Variants in LCK observed in about 807,000 individuals in gnomAD.
LCK encodes LCK proto-oncogene, Src family tyrosine kinase.
A neutral mutation model predicts 64.6 loss-of-function variants in LCK; 14 were observed. The observed-to-expected ratio is 0.22, with a 90% CI of 0.14 to 0.34. LCK has a LOEUF of 0.34. LCK is among the 10% of genes least tolerant of loss of function. LCK has a pLI of 1.00. For synonymous variants in LCK, 277 were observed against 263.6 expected (o/e 1.05, Z -0.49); for missense variants, 434 against 668.1 (o/e 0.65, Z 3.86).
intron 1 of LCK, among the ~76,000 whole-genome samples, chr1:32,260,253 C>T (rs533262164): frequency 1.4e-4 from 21 of 152,230 alleles, no homozygotes; most frequent in Non-Finnish European, 2.5e-4. Context: ...CCTCATGATC[C>T]ACCCACCTCA....
At chr1:32,266,247 C>T (rs1228710499) in intron 1 of LCK, among the ~76,000 whole-genome samples, 1 of 151,678 alleles carries the variant, frequency 6.6e-6, no homozygotes, top group Non-Finnish European at 1.5e-5. Context: ...GATCCCAGAA[C>T]TTTGGGAGGC....
In LCK at chr1:32,275,776, G is replaced by T. The variant is rs1640246859; in HGVS notation, c.481+104G>T. On this transcript the variant is annotated intron_variant, in intron 6 of 12. Transcript: ENST00000336890. This position sits in a 1 kb window ranked among gnomAD's most constrained non-coding sequence, Gnocchi z 6.9. ...TGGAGACACGGGGTGAGTCGGAGGG[G>T]GACGCGGGATGAGCCCGAGGTGGGG... The T allele has an allele frequency of 2.8e-6, 4 of 1,404,186 alleles. No individual in the cohort carries two copies. The highest frequency in any genetic ancestry group is 1.4e-5 in the African/African-American group (1 of 70,456). 87.0% of individuals were successfully genotyped at this position (1,404,186 alleles called of 1,614,324 possible).
intron 1 of LCK, among the ~76,000 whole-genome samples, chr1:32,256,844 A>G (rs188173053): frequency 3.3e-5 from 5 of 152,278 alleles, no homozygotes; most frequent in Admixed American, 3.3e-4. Context: ...ACCATTTACG[A>G]ATGTTAATTT....
intron 1 of LCK, among the ~76,000 whole-genome samples, chr1:32,263,248 C>T (rs1557574494): frequency 1.3e-5 from 2 of 151,478 alleles, no homozygotes; most frequent in South Asian, 2.1e-4. Flanking sequence ...TAAAAATTAG[C>T]GGGCATGGTG....
At chr1:32,267,919 G>A (rs1639967104) in intron 1 of LCK, among the ~76,000 whole-genome samples, 1 of 151,266 alleles carries the variant, frequency 6.6e-6, no homozygotes, top group Admixed American at 6.6e-5. Context: ...ATAAGGCCGG[G>A]CACAGTGGCT....
In LCK at chr1:32,275,457, A is replaced by T. The variant is rs1417921975; in HGVS notation, c.377+38A>T. The T allele has an allele frequency of 1.2e-6, 2 of 1,603,656 alleles. No homozygotes were observed. Among genetic ancestry groups the T allele is most frequent in the Non-Finnish European group, 1.7e-6 (2 of 1,171,910 alleles). On this transcript the variant is annotated intron_variant, in intron 5 of 12. Transcript: ENST00000336890. The surrounding 1 kb of genome is among the most constrained non-coding windows in gnomAD (Gnocchi z 6.9). ...CCGTCGTGGGGGTGGGTAGGAGCAG[A>T]TCTAGGGATCCTGGAGCAGGGAGTA...
At position 32,275,080 on chromosome 1, in the gene LCK, A is replaced by G. The variant is rs555714485; in HGVS notation, c.275A>G (p.Glu92Gly). The change falls in exon 4 of 13, where the codon GAG (glutamate) becomes GGG (glycine). Residue 92 changes from glutamate (E) to glycine (G), a missense_variant. Around this residue, in one of 2 missense-constraint regions of LCK, gnomAD observed 233 missense variants for 291.2 expected, o/e 0.80. Transcript: ENST00000336890. This position sits in a 1 kb window ranked among gnomAD's most constrained non-coding sequence, Gnocchi z 6.9. ...AAGGGGGAACAGCTCCGCATCCTGG[A>G]GCAGTGAGTCCCTCTCCACCTTGCT... ...FEKGEQLRIL[E>G]QSGEWWKAQS... 1.2e-6 allele frequency: 2 copies of G among 1,610,048 alleles called. No individual in the cohort carries two copies. Among genetic ancestry groups the G allele is most frequent in the African/African-American group, 1.3e-5 (1 of 74,974 alleles).
At chr1:32,279,774 G>A in intron 10 of LCK, 27 bp downstream of exon 10, 1 of 1,609,262 alleles carries the variant, frequency 6.2e-7, no homozygotes, top group Non-Finnish European at 8.5e-7. Context: ...GGGGGGCTGG[G>A]CAAGGGAACA....
chr1:32,267,537 G>A (rs1639956312), intron 1 of LCK, among the ~76,000 whole-genome samples: 2 of 152,112 alleles, frequency 1.3e-5, no homozygotes. Context: ...GAGGAGGGCA[G>A]ATCACCTGAA....
rs368761504 is a variant in LCK at position 32,253,718 on chromosome 1, T to C, written c.-6+2347T>C. ...CAGTGAACCACCCATTCCCTCACAC[T>C]TGTGGTGTGGCTTTGCAAATCAGCC... On this transcript the variant is annotated intron_variant, in intron 1 of 12. Transcript: ENST00000336890. Among the ~76,000 whole-genome samples the C allele has an allele frequency of 3.9e-5, 6 of 152,304 alleles. No individual in the cohort carries two copies. The East Asian group carries it at 1.2e-3, about 29-fold the overall frequency.
At chr1:32,277,007 C>A (rs912705612) in intron 9 of LCK, 3 of 373,114 alleles carry the variant, frequency 8.0e-6, no homozygotes, top group Non-Finnish European at 1.5e-5. Context: ...GTCAGGAGTT[C>A]GAGACCAGCC....
At chr1:32,274,253 GC>G (rs1398786002) in intron 1 of LCK, 71 bp from the exon 2 acceptor site, 1 of 1,611,190 alleles carries the variant, frequency 6.2e-7, no homozygotes. Flanking sequence ...CCAGGGCAAG[GC>G]CCCATTATAT....
At chr1:32,283,999 GTC>G (rs1321933400) in intron 12 of LCK, among the ~76,000 whole-genome samples, 1 of 151,910 alleles carries the variant, frequency 6.6e-6, no homozygotes, top group African/African-American at 2.4e-5. Flanking sequence ...TCCTGCCTCA[GTC>G]TCTCGGGTAG....
At chr1:32,253,566 G>A (rs913867354) in intron 1 of LCK, among the ~76,000 whole-genome samples, 1 of 152,168 alleles carries the variant, frequency 6.6e-6, no homozygotes, top group Non-Finnish European at 1.5e-5. Context: ...ACAGGCATGA[G>A]CCACCGCACC....
chr1:32,255,892 C>T (rs1374713756), intron 1 of LCK, among the ~76,000 whole-genome samples: 1 of 150,534 alleles, frequency 6.6e-6, no homozygotes, highest in African/African-American at 2.5e-5. Context: ...ACTTCACACA[C>T]CTGGGCTTGA....
rs111548901 is a variant in LCK at position 32,258,476 on chromosome 1, C to A, written c.-6+7105C>A. On this transcript the variant is annotated intron_variant, in intron 1 of 12. Coordinates refer to ENST00000336890, the MANE Select transcript of LCK (RefSeq NM_005356.5). ...CAGAGTGAGATGTGAGACTCCATCT[C>A]TTTAAAAAAAAAAAAAAAAACCAGG... Among the ~76,000 whole-genome samples, 18 of 134,372 alleles carry A rather than the reference C, an allele frequency of 1.3e-4. 1 individual carries two copies. Among genetic ancestry groups the A allele is most frequent in the African/African-American group, 5.1e-4 (18 of 35,576 alleles). 88.2% of individuals were successfully genotyped at this position (134,372 alleles called of 152,430 possible).
chr1:32,272,015 G>T (rs921783376), intron 1 of LCK, among the ~76,000 whole-genome samples: 3 of 152,244 alleles, frequency 2.0e-5, no homozygotes, highest in Non-Finnish European at 4.4e-5. Flanking sequence ...TGATATTTAG[G>T]CCAGGTGCCT....
In LCK at chr1:32,255,796, A is replaced by ATTTTT. The variant is rs1363275909; in HGVS notation, c.-6+4428_-6+4429insTTTTT. ...CTGGCACATAGGAGGTACCCATTAA[A>ATTTTT]TTTATTTTTTTTTTTTTTTTTTTTG... On this transcript the variant is annotated intron_variant, in intron 1 of 12. Coordinates refer to ENST00000336890, the MANE Select transcript of LCK (RefSeq NM_005356.5). Among the ~76,000 whole-genome samples the ATTTTT allele has an allele frequency of 3.4e-3, 478 of 142,522 alleles. 8 individuals are homozygous for ATTTTT. Among genetic ancestry groups the ATTTTT allele is most frequent in the African/African-American group, 0.011 (427 of 37,390 alleles). 93.5% of individuals were successfully genotyped at this position (142,522 alleles called of 152,430 possible).
intron 10 of LCK, 24 bp downstream of exon 10, chr1:32,279,771 T>C (rs1640393327): frequency 6.2e-7 from 1 of 1,608,856 alleles, no homozygotes; most frequent in East Asian, 2.2e-5. Context: ...GGAGGGGGGC[T>C]GGGCAAGGGA....
Sources: gnomAD v4.1 joint callset for allele counts (sites outside exome capture counted in the v4.1 genomes callset) on GRCh38, gnomAD v4.1.1 for gene constraint, gnomAD v4.1.1 regional missense constraint, Gnocchi (gnomAD v3.1) non-coding constraint, MANE v1.5 for transcripts, NCBI Gene and HGNC (gene_info 2026-07-23, HGNC 2026-07-21) for gene names.